Variants in CASZ1 observed in about 807,000 individuals in gnomAD.
CASZ1 encodes the protein castor zinc finger 1.
CASZ1 carries 28 observed loss-of-function variants against 135.2 expected under a neutral mutation model. The ratio of observed to expected loss-of-function variants is 0.21; its 90% CI spans 0.15 to 0.28. The LOEUF (loss-of-function observed/expected upper bound fraction) is 0.28. Ranked by LOEUF, CASZ1 falls within the 10% of genes least tolerant of loss-of-function variation. CASZ1 has a pLI of 1.00. For synonymous variants in CASZ1, 1,068 were observed against 1,073.4 expected (o/e 0.99, Z 0.10); for missense variants, 2,161 against 2,453.3 (o/e 0.88, Z 2.52).
At chr1:10,779,766 C>A (rs1013453135) in intron 1 of CASZ1, among the ~76,000 whole-genome samples, 3 of 152,216 alleles carry the variant, frequency 2.0e-5, no homozygotes, top group Non-Finnish European at 2.9e-5. Context: ...TGTTTCGAAA[C>A]CATCCTCGGG....
chr1:10,733,940 A>G (rs113362866), intron 2 of CASZ1, among the ~76,000 whole-genome samples: 2 of 152,326 alleles, frequency 1.3e-5, no homozygotes, highest in African/African-American at 4.8e-5. Flanking sequence ...GGCACATACT[A>G]AGCAGTGAAT....
At chr1:10,737,618 T>C (rs1557541746) in intron 2 of CASZ1, among the ~76,000 whole-genome samples, 1 of 152,230 alleles carries the variant, frequency 6.6e-6, no homozygotes, top group Non-Finnish European at 1.5e-5. Flanking sequence ...CCAAGGGAGT[T>C]ACATGGCTGT....
intron 4 of CASZ1, among the ~76,000 whole-genome samples, chr1:10,681,050 G>A (rs1638400838): frequency 6.6e-6 from 1 of 151,364 alleles, no homozygotes; most frequent in Non-Finnish European, 1.5e-5. Context: ...ACAGGCGCCT[G>A]CCACCACACT....
chr1:10,670,658 C>T (rs1316623809), intron 4 of CASZ1, among the ~76,000 whole-genome samples: 1 of 152,238 alleles, frequency 6.6e-6, no homozygotes, highest in East Asian at 1.9e-4. Context: ...GGAATGAACA[C>T]TTCAAAGCCA....
rs577335277 is a variant in CASZ1 at position 10,745,945 on chromosome 1, G to A, written c.-77+14756C>T. Among the ~76,000 whole-genome samples the A allele has an allele frequency of 8.5e-4, 130 of 152,356 alleles. 1 individual carries two copies. The highest frequency in any genetic ancestry group is 1.7e-3 in the South Asian group (8 of 4,828). ...AGGAGGCCTGGTGGCCGTGGTGCTG[G>A]CTTCCTCCCGCCCTGGGGGATCGCC... On this transcript the variant is annotated intron_variant, in intron 2 of 20. Transcript: ENST00000377022.
At chr1:10,738,566 G>A (rs1214042382) in intron 2 of CASZ1, among the ~76,000 whole-genome samples, 1 of 152,276 alleles carries the variant, frequency 6.6e-6, no homozygotes, top group Non-Finnish European at 1.5e-5. Context: ...CAGGGCCATG[G>A]GGCGACCTGG....
chr1:10,751,252 T>C (rs1036544235), intron 2 of CASZ1, among the ~76,000 whole-genome samples: 2 of 152,108 alleles, frequency 1.3e-5, no homozygotes, highest in Non-Finnish European at 2.9e-5. Flanking sequence ...AAGGATCTGA[T>C]TAGAGGCCCT....
In CASZ1 at chr1:10,656,842, A is replaced by C. The variant is rs1467885818; in HGVS notation, c.1410-106T>G. 1.1e-4 allele frequency: 80 copies of C among 714,304 alleles called. No homozygotes were observed. The South Asian group carries it at 1.3e-3, about 11-fold the overall frequency. The allele number at this position is 714,304 out of a possible 1,614,324, so 44.2% of individuals were successfully genotyped here. A position where few individuals can be genotyped will look rare whatever the true frequency, so the allele number is the denominator to read the frequency against. Reference sequence around the variant, plus strand: ...ACTCTTCGGGCCCTGTATGGGATGCAGAGGGGAGGTGAAGTTGCAGAGGCC... The same window carrying C: ...ACTCTTCGGGCCCTGTATGGGATGCCGAGGGGAGGTGAAGTTGCAGAGGCC... On this transcript the variant is annotated intron_variant, in intron 7 of 20. Coordinates refer to ENST00000377022, the MANE Select transcript of CASZ1 (RefSeq NM_001079843.3).
intron 4 of CASZ1, 94 bp downstream of exon 4, chr1:10,693,780 C>A: frequency 8.5e-7 from 1 of 1,172,338 alleles, no homozygotes; most frequent in Non-Finnish European, 1.3e-6. Context: ...CCACCCGGCC[C>A]CGCCGCCACC....
At chr1:10,744,869 G>GCAC (rs892755265) in intron 2 of CASZ1, among the ~76,000 whole-genome samples, 14 of 152,256 alleles carry the variant, frequency 9.2e-5, no homozygotes, top group African/African-American at 2.6e-4. Flanking sequence ...GAGCACACAG[G>GCAC]CACCCCGGTA....
At chr1:10,770,555 C>G (rs1357358843) in intron 1 of CASZ1, among the ~76,000 whole-genome samples, 1 of 152,138 alleles carries the variant, frequency 6.6e-6, no homozygotes, top group African/African-American at 2.4e-5. Context: ...GGGCCCCTAG[C>G]TGCGGGGTGG....
At chr1:10,695,592 C>T (rs966565651) in intron 3 of CASZ1, among the ~76,000 whole-genome samples, 2 of 122,502 alleles carry the variant, frequency 1.6e-5, no homozygotes, top group Middle Eastern at 3.8e-3. Context: ...CCCCCCCCCC[C>T]CCGCCCCACG....
intron 4 of CASZ1, among the ~76,000 whole-genome samples, chr1:10,677,443 ACT>A (rs1281634076): frequency 6.6e-6 from 1 of 152,144 alleles, no homozygotes; most frequent in African/African-American, 2.4e-5. Context: ...GTCCTGACCC[ACT>A]GTTTCTAGAA....
chr1:10,740,153 T>A (rs1639886325), intron 2 of CASZ1, among the ~76,000 whole-genome samples: 1 of 152,232 alleles, frequency 6.6e-6, no homozygotes, highest in South Asian at 2.1e-4. Context: ...ACCGATTCTA[T>A]GTCACAAATT....
intron 2 of CASZ1, among the ~76,000 whole-genome samples, chr1:10,740,492 G>A (rs1227005601): frequency 6.6e-6 from 1 of 152,244 alleles, no homozygotes; most frequent in Non-Finnish European, 1.5e-5. Flanking sequence ...CCAAGCCAGG[G>A]CTTTGAGGCA....
At chr1:10,669,284 G>A (rs905316531) in intron 4 of CASZ1, among the ~76,000 whole-genome samples, 5 of 152,202 alleles carry the variant, frequency 3.3e-5, no homozygotes, top group African/African-American at 1.2e-4. Flanking sequence ...CCCTAAGCCG[G>A]CCCTAGGAAA....
Position 10,727,572 on chromosome 1 carries a change from A to C in CASZ1, c.-76-22028T>G, listed in dbSNP as rs962161424. On this transcript the variant is annotated intron_variant, in intron 2 of 20. Coordinates refer to ENST00000377022, the MANE Select transcript of CASZ1 (RefSeq NM_001079843.3). This position sits in a 1 kb window ranked among gnomAD's most constrained non-coding sequence, Gnocchi z 5.3. ...TCTTCCTTGGTCCCCATAGCCCCCA[A>C]GCCAGGTTCCTAGACTCCAAGAATG... 6.6e-6 allele frequency among the ~76,000 whole-genome samples: 1 copy of C among 152,132 alleles called. No homozygotes were observed. The highest frequency in any genetic ancestry group is 2.4e-5 in the African/African-American group (1 of 41,428).
rs549670684 is a variant in CASZ1, at chr1:10,690,936, C to T, written c.16+2938G>A. On this transcript the variant is annotated intron_variant, in intron 4 of 20. Transcript: ENST00000377022. ...GGGAATCAGCCTGGTGGGACCTAAC[C>T]CTGGGAGCTTCCCAACTGCAGGATG... Among the ~76,000 whole-genome samples the T allele has an allele frequency of 4.6e-5, 7 of 152,256 alleles. No individual in the cohort carries two copies. In the East Asian group the frequency reaches 5.8e-4, roughly 13 times the overall value.
intron 1 of CASZ1, among the ~76,000 whole-genome samples, chr1:10,796,071 G>A (rs1641064906): frequency 6.6e-6 from 1 of 151,986 alleles, no homozygotes; most frequent in South Asian, 2.1e-4. Flanking sequence ...GGGTGGGGTG[G>A]GGGTTTAAGG....
Sources: allele counts gnomAD v4.1 joint callset (sites outside exome capture counted in the v4.1 genomes callset), GRCh38; gene constraint gnomAD v4.1.1; non-coding constraint Gnocchi (gnomAD v3.1); transcripts MANE v1.5; gene names NCBI Gene and HGNC (gene_info 2026-07-23, HGNC 2026-07-21).